Variants in BCAT1 observed in about 807,000 individuals in gnomAD.
The protein encoded by BCAT1 is branched chain amino acid transaminase 1.
In BCAT1, 48 loss-of-function variants were observed where a neutral mutation model predicts 52.4. The ratio of observed to expected loss-of-function variants is 0.92; its 90% confidence interval spans 0.73 to 1.16. The LOEUF (loss-of-function observed/expected upper bound fraction) is 1.16. Ranked by LOEUF, BCAT1 falls within the 50% of genes most tolerant of loss-of-function variation. The pLI, the probability that BCAT1 is intolerant of heterozygous loss-of-function variation, is 0.00. For missense variants in BCAT1, 451 were observed against 457.1 expected (o/e 0.99, Z 0.12); for synonymous variants, 167 against 161.3 (o/e 1.04, Z -0.27).
intron 1 of BCAT1, among the ~76,000 whole-genome samples, chr12:24,923,221 G>A (rs1190342749): frequency 6.6e-6 from 1 of 152,124 alleles, no homozygotes; most frequent in South Asian, 2.1e-4. Flanking sequence ...GGAATGGTGA[G>A]AACCCTCCAG....
At chr12:24,841,855 C>T (rs1941183294) in intron 7 of BCAT1, among the ~76,000 whole-genome samples, 1 of 152,054 alleles carries the variant, frequency 6.6e-6, no homozygotes, top group African/African-American at 2.4e-5. Flanking sequence ...GCTGAGATCA[C>T]ACCATTGCAC....
At chr12:24,922,781 A>G (rs1565500257) in intron 1 of BCAT1, among the ~76,000 whole-genome samples, 1 of 151,882 alleles carries the variant, frequency 6.6e-6, no homozygotes, top group East Asian at 1.9e-4. Flanking sequence ...GAGGCAGGAG[A>G]ATTGCTTGAA....
chr12:24,846,178 T>C (rs1941338974), intron 6 of BCAT1, among the ~76,000 whole-genome samples: 1 of 152,248 alleles, frequency 6.6e-6, no homozygotes, highest in Admixed American at 6.5e-5. Context: ...GAAAGAGGAT[T>C]AAAGACAGTG....
intron 1 of BCAT1, chr12:24,902,634 C>T (rs1943138729): frequency 2.2e-6 from 1 of 451,188 alleles, no homozygotes; most frequent in Non-Finnish European, 3.7e-6. Context: ...GCTCCCGCCT[C>T]CTCCCTCAGA....
At chr12:24,899,768 C>G (rs2139671672) in intron 2 of BCAT1, among the ~76,000 whole-genome samples, 1 of 140,384 alleles carries the variant, frequency 7.1e-6, no homozygotes, top group East Asian at 2.2e-4. Context: ...GCGAAATAAG[C>G]CAAACACAGA....
intron 1 of BCAT1, among the ~76,000 whole-genome samples, chr12:24,911,610 G>A (rs1056288215): frequency 7.2e-5 from 11 of 152,138 alleles, no homozygotes; most frequent in African/African-American, 9.7e-5. Context: ...TACACACCAC[G>A]ATGAAACTCA....
At chr12:24,914,066 T>C (rs1031915184) in intron 1 of BCAT1, among the ~76,000 whole-genome samples, 7 of 148,228 alleles carry the variant, frequency 4.7e-5, no homozygotes, top group Non-Finnish European at 7.4e-5. Context: ...AGTTGAGAAA[T>C]TGGGTTGGTA....
chr12:24,919,826 A>C (rs1029580214), intron 1 of BCAT1, among the ~76,000 whole-genome samples: 19 of 152,280 alleles, frequency 1.2e-4, no homozygotes, highest in Admixed American at 8.5e-4. Flanking sequence ...GGTTTCCCCC[A>C]TATAGTTTCT....
intron 2 of BCAT1, among the ~76,000 whole-genome samples, chr12:24,901,402 C>T (rs1943098595): frequency 1.3e-5 from 2 of 152,106 alleles, no homozygotes; most frequent in Admixed American, 6.6e-5. Flanking sequence ...ATATAAACCC[C>T]GCAATTCAGA....
intron 1 of BCAT1, among the ~76,000 whole-genome samples, chr12:24,905,082 G>GGC (rs1943205261): frequency 6.6e-6 from 1 of 152,218 alleles, no homozygotes; most frequent in Non-Finnish European, 1.5e-5. Context: ...CTCTGAGGAG[G>GGC]GCTGGAACAA....
chr12:24,828,907 T>C (rs1024728291), intron 10 of BCAT1, among the ~76,000 whole-genome samples: 3 of 151,958 alleles, frequency 2.0e-5, no homozygotes, highest in Non-Finnish European at 4.4e-5. Context: ...CTCGGGAGGC[T>C]GAGGCAGAAG....
At chr12:24,829,477 T>C (rs183230959) in intron 10 of BCAT1, among the ~76,000 whole-genome samples, 1 of 152,240 alleles carries the variant, frequency 6.6e-6, no homozygotes, top group African/African-American at 2.4e-5. Flanking sequence ...GCTTCTACTT[T>C]CAAATTTTTT....
At chr12:24,876,088 G>T (rs1942327247) in intron 5 of BCAT1, among the ~76,000 whole-genome samples, 1 of 151,704 alleles carries the variant, frequency 6.6e-6, no homozygotes. Flanking sequence ...ATAATTTATT[G>T]AATACTGTAC....
At chr12:24,868,151 A>G (rs1304622317) in intron 5 of BCAT1, among the ~76,000 whole-genome samples, 1 of 152,248 alleles carries the variant, frequency 6.6e-6, no homozygotes, top group Non-Finnish European at 1.5e-5. Context: ...CACCTCAAAG[A>G]AATAAGAGGC....
chr12:24,892,064 G>C (rs1565485770), intron 3 of BCAT1, among the ~76,000 whole-genome samples: 1 of 143,600 alleles, frequency 7.0e-6, no homozygotes, highest in East Asian at 2.0e-4. Flanking sequence ...GCCGTTTTTT[G>C]TTTTGTTTTG....
intron 4 of BCAT1, among the ~76,000 whole-genome samples, chr12:24,880,077 C>T (rs979910777): frequency 3.3e-5 from 5 of 152,090 alleles, no homozygotes; most frequent in African/African-American, 1.2e-4. Context: ...GGGTGAAATG[C>T]GGGTTACAAA....
chr12:24,934,088 C>G (rs1119692), intron 1 of BCAT1, among the ~76,000 whole-genome samples: 58,929 of 152,012 alleles, frequency 0.39, 12,066 homozygotes, highest in Middle Eastern at 0.64. Flanking sequence ...GTGCAAGCTC[C>G]CAGCTTGCTT....
At chr12:24,851,469 G>T (rs1941507657) in intron 5 of BCAT1, among the ~76,000 whole-genome samples, 1 of 152,170 alleles carries the variant, frequency 6.6e-6, no homozygotes. Context: ...AAAAAAATGT[G>T]TTTACACAAG....
Position 24,816,358 on chromosome 12 carries a change from A to G in BCAT1, c.*1650T>C. On this transcript the variant is annotated 3_prime_UTR_variant, in exon 11 of 11. Transcript: ENST00000261192. ...TATGAGGACTGAGGGAAACCAAAAT[A>G]CAATGTCTGAGAGTTGACCTTCCAA... 2.5e-6 allele frequency: 1 copy of G among 395,832 alleles called. No individual in the cohort carries two copies. Among genetic ancestry groups the G allele is most frequent in the East Asian group, 3.6e-5 (1 of 27,974 alleles). The allele number at this position is 395,832 out of a possible 1,614,324, so 24.5% of individuals were successfully genotyped here. A position where few individuals can be genotyped will look rare whatever the true frequency, so the allele number is the denominator to read the frequency against.
Sources: gnomAD v4.1 joint callset for allele counts (sites outside exome capture counted in the v4.1 genomes callset) on GRCh38, gnomAD v4.1.1 for gene constraint, MANE v1.5 for transcripts, NCBI Gene and HGNC (gene_info 2026-07-23, HGNC 2026-07-21) for gene names.